VPS13B: variants seen among roughly 807,000 people sequenced by gnomAD.
The protein encoded by VPS13B is intermembrane lipid transfer protein VPS13B.
In VPS13B, 285 loss-of-function variants were observed where a neutral mutation model predicts 426.4. The ratio of observed to expected loss-of-function variants is 0.67; its 90% CI spans 0.61 to 0.74. The LOEUF (loss-of-function observed/expected upper bound fraction) is 0.74. Ranked by LOEUF, VPS13B falls within the 30% of genes least tolerant of loss-of-function variation. VPS13B has a pLI of 0.00. For missense variants in VPS13B, 4,537 were observed against 4,782.6 expected, an observed-to-expected ratio of 0.95 and a Z score of 1.51; for synonymous variants, 1,676 against 1,676.4, an observed-to-expected ratio of 1.00 and a Z score of 0.01.
chr8:99,618,919 G>T (rs901361945), intron 33 of VPS13B, among the ~76,000 whole-genome samples: 2 of 152,120 alleles, frequency 1.3e-5, no homozygotes, highest in Admixed American at 1.3e-4. Flanking sequence ...ACTCCAGAAT[G>T]ATCTCAGTCG....
chr8:99,832,739 A>C, intron 52 of VPS13B, 87 bp downstream of exon 52: 8 of 1,357,868 alleles, frequency 5.9e-6, no homozygotes, highest in Non-Finnish European at 8.3e-6. Flanking sequence ...CAATGGTCGC[A>C]GGGCTCCCCA....
chr8:99,621,820 CTTTTTTTTTTTTTT>C (rs749078781), intron 33 of VPS13B, among the ~76,000 whole-genome samples: 6 of 83,256 alleles, frequency 7.2e-5, no homozygotes, highest in East Asian at 4.3e-4. Context: ...TGTTTTGTTT[CTTTTTTTTTTTTTT>C]TTTTTTTTTT....
chr8:99,318,197 T>C (rs560925421), intron 19 of VPS13B, among the ~76,000 whole-genome samples: 12 of 152,322 alleles, frequency 7.9e-5, no homozygotes, highest in African/African-American at 2.6e-4. Flanking sequence ...CTATTTTGAG[T>C]AGCAAGCATT....
At chr8:99,249,763 A>G (rs1342974604) in intron 17 of VPS13B, among the ~76,000 whole-genome samples, 1 of 152,208 alleles carries the variant, frequency 6.6e-6, no homozygotes, top group Non-Finnish European at 1.5e-5. Context: ...ACTTGGGGCC[A>G]GGCATGATGG....
At chr8:99,772,960 G>C in intron 40 of VPS13B, among the ~76,000 whole-genome samples, 1 of 152,186 alleles carries the variant, frequency 6.6e-6, no homozygotes, top group East Asian at 1.9e-4. Flanking sequence ...ATGAATGCCA[G>C]TATGCTGTTG....
chr8:99,576,219 T>C (rs1311767045), intron 32 of VPS13B, among the ~76,000 whole-genome samples: 3 of 152,148 alleles, frequency 2.0e-5, no homozygotes, highest in Admixed American at 2.0e-4. Flanking sequence ...TCCTTGTTTT[T>C]ATATTATTAG....
At chr8:99,070,728 T>TA (rs1357785133) in intron 3 of VPS13B, among the ~76,000 whole-genome samples, 2 of 152,182 alleles carry the variant, frequency 1.3e-5, no homozygotes, top group Non-Finnish European at 2.9e-5. Context: ...TTCAAACTGT[T>TA]ACGTCATTGA....
intron 10 of VPS13B, 49 bp from the exon 11 acceptor site, chr8:99,135,547 C>G (rs749025253): frequency 6.9e-6 from 11 of 1,595,756 alleles, no homozygotes; most frequent in Non-Finnish European, 9.4e-6. Flanking sequence ...TTTTGTTTAA[C>G]AGGCTAATGG....
intron 33 of VPS13B, among the ~76,000 whole-genome samples, chr8:99,583,117 C>CA (rs1227855665): frequency 6.6e-6 from 1 of 152,172 alleles, no homozygotes; most frequent in Non-Finnish European, 1.5e-5. Context: ...CTTTTCCCCC[C>CA]AGAGCCATTT....
chr8:99,609,325 T>C (rs968003606), intron 33 of VPS13B, among the ~76,000 whole-genome samples: 1 of 152,234 alleles, frequency 6.6e-6, no homozygotes, highest in Non-Finnish European at 1.5e-5. Flanking sequence ...ATATTACCAC[T>C]GATTTCATCA....
At chr8:99,691,023 A>G (rs1262297985) in intron 35 of VPS13B, among the ~76,000 whole-genome samples, 3 of 152,240 alleles carry the variant, frequency 2.0e-5, no homozygotes, top group Non-Finnish European at 4.4e-5. Context: ...AATACTGTTC[A>G]GCCACAAAAT....
intron 33 of VPS13B, among the ~76,000 whole-genome samples, chr8:99,613,445 C>A (rs1483436284): frequency 6.6e-6 from 1 of 152,180 alleles, no homozygotes; most frequent in African/African-American, 2.4e-5. Flanking sequence ...ATTCACCTGT[C>A]CCTTACTTCA....
intron 20 of VPS13B, chr8:99,389,734 T>C (rs1814321094): frequency 6.6e-6 from 1 of 152,184 alleles, no homozygotes; most frequent in Non-Finnish European, 1.5e-5. Flanking sequence ...AGTGAACTTA[T>C]GTGGTTCAAA....
At chr8:99,615,673 A>T (rs1828054664) in intron 33 of VPS13B, among the ~76,000 whole-genome samples, 1 of 152,238 alleles carries the variant, frequency 6.6e-6, no homozygotes, top group Non-Finnish European at 1.5e-5. Context: ...ACTAAAAATC[A>T]GATAAATTTC....
intron 33 of VPS13B, among the ~76,000 whole-genome samples, chr8:99,613,191 G>A (rs758105592): frequency 1.8e-4 from 28 of 152,244 alleles, no homozygotes; most frequent in Middle Eastern, 6.8e-3. Context: ...TGACTATGTT[G>A]TTATACCTTT....
At chr8:99,019,832 T>C (rs938031089) in intron 2 of VPS13B, among the ~76,000 whole-genome samples, 11 of 152,270 alleles carry the variant, frequency 7.2e-5, no homozygotes, top group African/African-American at 2.4e-4. Flanking sequence ...TTTGTTTTTA[T>C]GTCTAAATAA....
Position 99,062,593 on chromosome 8 carries a change from C to T in VPS13B, c.291+24027C>T, listed in dbSNP as rs371681215. 1.1e-4 allele frequency among the ~76,000 whole-genome samples: 16 copies of T among 152,212 alleles called. No individual in the cohort carries two copies. In the South Asian group the frequency reaches 2.7e-3, roughly 26 times the overall value. On this transcript the variant is annotated intron_variant, in intron 3 of 61. Coordinates refer to ENST00000357162, the MANE Select transcript of VPS13B (RefSeq NM_152564.5). ...AAGCGATTCTTCTGCCTCAGCCTCC[C>T]GAGTAGCTGGGATTACAGGCATGCG...
In VPS13B at chr8:99,765,250, G is replaced by C. The variant is rs575746270; in HGVS notation, c.7051-1524G>C. Among the ~76,000 whole-genome samples the C allele has an allele frequency of 1.2e-3, 177 of 152,220 alleles. 1 individual carries two copies. The highest frequency in any genetic ancestry group is 2.0e-3 in the Non-Finnish European group (139 of 67,994). On this transcript the variant is annotated intron_variant, in intron 39 of 61. Coordinates refer to ENST00000357162, the MANE Select transcript of VPS13B (RefSeq NM_152564.5). ...AAAAAGCAAAACTCTGTCTATAAAA[G>C]AAAAGTTGTTTTTTTCTCATGCTTG... is the stretch of plus-strand genomic sequence containing the variant.
chr8:99,525,152 A>G (rs1254725803), intron 30 of VPS13B, among the ~76,000 whole-genome samples: 4 of 152,244 alleles, frequency 2.6e-5, no homozygotes, highest in South Asian at 4.1e-4. Context: ...TTATAATACT[A>G]TAATTGTGGT....
Sources: gnomAD v4.1 joint callset for allele counts (sites outside exome capture counted in the v4.1 genomes callset) on GRCh38, gnomAD v4.1.1 for gene constraint, MANE v1.5 for transcripts, NCBI Gene and HGNC (gene_info 2026-07-23, HGNC 2026-07-21) for gene names.